The following SH3BGRL2 variants were observed in gnomAD, a reference collection of about 807,000 sequenced individuals.
SH3BGRL2 encodes SH3 domain-binding glutamic acid-rich-like protein 2.
In SH3BGRL2, 21 loss-of-function variants were observed where a neutral mutation model predicts 14.8. The ratio of observed to expected loss-of-function variants is 1.42; its 90% CI spans 1.01 to 2.05. SH3BGRL2 has a LOEUF of 2.05. SH3BGRL2 is among the 30% of genes most tolerant of loss of function. The probability of loss-of-function intolerance (pLI) is 0.00; values close to 1 mark genes in which losing one functional copy is unlikely to be tolerated. For synonymous variants in SH3BGRL2, 50 were observed against 47.8 expected (o/e 1.05, Z -0.19); for missense variants, 147 against 130.8 (o/e 1.12, Z -0.61).
the SH3BGRL2 span, among the ~76,000 whole-genome samples, chr6:79,598,025 A>C: frequency 1.3e-5 from 2 of 152,254 alleles, no homozygotes; most frequent in Admixed American, 6.5e-5. Context: ...CACTAGCCAC[A>C]ATGGAAATGT....
At chr6:79,572,180 CT>C in the SH3BGRL2 span, among the ~76,000 whole-genome samples, 16 of 152,234 alleles carry the variant, frequency 1.1e-4, no homozygotes, top group Middle Eastern at 6.8e-3. Context: ...CTCATTTTTT[CT>C]GCTGTATGAT....
intron 1 of SH3BGRL2, among the ~76,000 whole-genome samples, chr6:79,632,364 C>T (rs910467520): frequency 6.6e-6 from 1 of 152,166 alleles, no homozygotes; most frequent in Non-Finnish European, 1.5e-5. Flanking sequence ...GGACATAGCA[C>T]ATGTGTTTTA....
chr6:79,648,194 G>A (rs953111352), intron 1 of SH3BGRL2, among the ~76,000 whole-genome samples: 1 of 141,696 alleles, frequency 7.1e-6, no homozygotes, highest in Non-Finnish European at 1.5e-5. Context: ...CTGGCATTTT[G>A]GGCCCTATGT....
At chr6:79,670,290 C>T (rs527512803) in intron 1 of SH3BGRL2, among the ~76,000 whole-genome samples, 128 of 152,348 alleles carry the variant, frequency 8.4e-4, no homozygotes, top group Admixed American at 1.8e-3. Context: ...ATTTTGCCTA[C>T]TCCCAATCTA....
chr6:79,642,561 A>C (rs1427745558), intron 1 of SH3BGRL2, among the ~76,000 whole-genome samples: 1 of 152,182 alleles, frequency 6.6e-6, no homozygotes, highest in Non-Finnish European at 1.5e-5. Flanking sequence ...GCAGGAAAAC[A>C]GTGTGATTGA....
chr6:79,670,298 C>G (rs1172043164), intron 1 of SH3BGRL2, among the ~76,000 whole-genome samples: 1 of 152,228 alleles, frequency 6.6e-6, no homozygotes, highest in Non-Finnish European at 1.5e-5. Context: ...TACTCCCAAT[C>G]TAATGCAAGG....
chr6:79,615,651 A>G, the SH3BGRL2 span, among the ~76,000 whole-genome samples: 7 of 152,194 alleles, frequency 4.6e-5, no homozygotes, highest in Admixed American at 3.9e-4. Context: ...TAAATACTCC[A>G]CAAATTATTG....
chr6:79,632,828 A>C (rs1304825711), intron 1 of SH3BGRL2, among the ~76,000 whole-genome samples: 1 of 152,204 alleles, frequency 6.6e-6, no homozygotes, highest in Non-Finnish European at 1.5e-5. Flanking sequence ...TGTGTTTGCA[A>C]ACTGGCACTG....
At chr6:79,551,055 A>T in the SH3BGRL2 span, among the ~76,000 whole-genome samples, 1 of 152,332 alleles carries the variant, frequency 6.6e-6, no homozygotes, top group African/African-American at 2.4e-5. Flanking sequence ...GCTAAATAAA[A>T]GAAAAGAAAA....
chr6:79,586,119 C>A, the SH3BGRL2 span, among the ~76,000 whole-genome samples: 1 of 151,458 alleles, frequency 6.6e-6, no homozygotes, highest in African/African-American at 2.4e-5. Flanking sequence ...TTGCTTGAAC[C>A]CGGGAGGCGG....
At chr6:79,603,225 A>C in the SH3BGRL2 span, among the ~76,000 whole-genome samples, 1 of 152,206 alleles carries the variant, frequency 6.6e-6, no homozygotes, top group Non-Finnish European at 1.5e-5. Context: ...AAAATAAAAC[A>C]CTGCACTACT....
At chr6:79,634,172 A>G (rs1302256143) in intron 1 of SH3BGRL2, among the ~76,000 whole-genome samples, 1 of 152,242 alleles carries the variant, frequency 6.6e-6, no homozygotes, top group East Asian at 1.9e-4. Flanking sequence ...CAATCTATTT[A>G]GAGAAAATCA....
At chr6:79,553,983 A>G in the SH3BGRL2 span, among the ~76,000 whole-genome samples, 1 of 149,492 alleles carries the variant, frequency 6.7e-6, no homozygotes. Flanking sequence ...AAAAAAAAGA[A>G]AAGAAAAGAG....
At chr6:79,553,642 G>T in the SH3BGRL2 span, among the ~76,000 whole-genome samples, 7 of 150,582 alleles carry the variant, frequency 4.6e-5, no homozygotes, top group Non-Finnish European at 1.0e-4. Flanking sequence ...TCCTTTCTGT[G>T]AAGTATCTCT....
the SH3BGRL2 span, among the ~76,000 whole-genome samples, chr6:79,545,841 G>A: frequency 6.6e-6 from 1 of 152,098 alleles, no homozygotes; most frequent in African/African-American, 2.4e-5. Flanking sequence ...CCTTGCTAAC[G>A]TGCTGTCATT....
At chr6:79,664,403 A>G (rs1041117934) in intron 1 of SH3BGRL2, among the ~76,000 whole-genome samples, 1 of 152,206 alleles carries the variant, frequency 6.6e-6, no homozygotes, top group Admixed American at 6.5e-5. Context: ...GCAGTTCTCT[A>G]TGCTGAATTA....
chr6:79,613,144 G>A, the SH3BGRL2 span, among the ~76,000 whole-genome samples: 1 of 152,188 alleles, frequency 6.6e-6, no homozygotes, highest in Non-Finnish European at 1.5e-5. Context: ...GCAACATTCT[G>A]TTTAGATCAC....
chr6:79,649,980 C>G lies in SH3BGRL2; in HGVS notation c.45+18474C>G, dbSNP rs1307646178. 4.6e-5 allele frequency among the ~76,000 whole-genome samples: 5 copies of G among 108,252 alleles called. No homozygotes were observed. The East Asian group carries it at 1.2e-3, about 27-fold the overall frequency. 71.0% of individuals were successfully genotyped at this position (108,252 alleles called of 152,430 possible). On this transcript the variant is annotated intron_variant, in intron 1 of 3. Transcript: ENST00000369838. Reference sequence around the variant, plus strand: ...TAGTTCTTATGTACTCTCTCTCTCTCTCTCTCACACACACACACACACACA... The same window carrying G: ...TAGTTCTTATGTACTCTCTCTCTCTGTCTCTCACACACACACACACACACA...
At chr6:79,596,576 T>C in the SH3BGRL2 span, among the ~76,000 whole-genome samples, 1 of 152,222 alleles carries the variant, frequency 6.6e-6, no homozygotes, top group African/African-American at 2.4e-5. Context: ...ATTACAGGCA[T>C]GGACCATTGC....
Sources: gnomAD v4.1 joint callset for allele counts (sites outside exome capture counted in the v4.1 genomes callset) on GRCh38, gnomAD v4.1.1 for gene constraint, MANE v1.5 for transcripts, NCBI Gene and HGNC (gene_info 2026-07-23, HGNC 2026-07-21) for gene names.